The following LPP variants were observed in gnomAD, a reference collection of about 807,000 sequenced individuals.
The protein encoded by LPP is lipoma-preferred partner.
Under a neutral mutation model 60.4 loss-of-function variants are expected in LPP, and 38 were observed. The observed-to-expected ratio is 0.63, with a 90% CI of 0.49 to 0.83. The LOEUF (loss-of-function observed/expected upper bound fraction) is 0.83. Ranked by LOEUF, LPP falls within the 40% of genes least tolerant of loss-of-function variation. The pLI, the probability that LPP is intolerant of heterozygous loss-of-function variation, is 0.00. For synonymous variants in LPP, 328 were observed against 290.8 expected (o/e 1.13, Z -1.30); for missense variants, 902 against 783.6 (o/e 1.15, Z -1.80).
chr3:188,226,754 A>G (rs559929602), intron 2 of LPP, among the ~76,000 whole-genome samples: 71 of 152,308 alleles, frequency 4.7e-4, no homozygotes, highest in African/African-American at 1.7e-3. Flanking sequence ...CAAAACAGAG[A>G]TGATGCCATT....
At chr3:188,469,167 C>T (rs1319614021) in intron 4 of LPP, among the ~76,000 whole-genome samples, 2 of 152,086 alleles carry the variant, frequency 1.3e-5, no homozygotes, top group Admixed American at 6.6e-5. Flanking sequence ...CCGTTAAGTT[C>T]TTGGATGAAG....
chr3:188,402,852 TTCC>T (rs1389359990), intron 3 of LPP, among the ~76,000 whole-genome samples: 1 of 152,236 alleles, frequency 6.6e-6, no homozygotes, highest in Non-Finnish European at 1.5e-5. Flanking sequence ...TAGGCTACTC[TTCC>T]TTGGAGAAGT....
intron 9 of LPP, among the ~76,000 whole-genome samples, chr3:188,796,218 T>C (rs1394645099): frequency 6.6e-6 from 1 of 152,164 alleles, no homozygotes; most frequent in Non-Finnish European, 1.5e-5. Context: ...CACTGAGTTA[T>C]GAGGAGTGAG....
chr3:188,648,573 C>G (rs1447269068), intron 7 of LPP, among the ~76,000 whole-genome samples: 1 of 152,198 alleles, frequency 6.6e-6, no homozygotes, highest in Non-Finnish European at 1.5e-5. Context: ...TCTCTGTCTT[C>G]TGTCCTGTTT....
rs568215699 is a variant in LPP at position 188,643,475 on chromosome 3, ATAT to A, written c.1113+33635_1113+33637del. Among the ~76,000 whole-genome samples, 18 of 152,354 alleles carry A rather than the reference ATAT, an allele frequency of 1.2e-4. No homozygotes were observed. In the East Asian group the frequency reaches 3.1e-3, roughly 26 times the overall value. On this transcript the variant is annotated intron_variant, in intron 7 of 11. Coordinates refer to ENST00000617246, the MANE Select transcript of LPP (RefSeq NM_001375462.1). ...GAGATAATATTGCCTTGCTGAAGAC[ATAT>A]TATAAAAATCTGAGAATGAGCATGT...
At chr3:188,433,364 G>A (rs1487543724) in intron 4 of LPP, among the ~76,000 whole-genome samples, 1 of 152,094 alleles carries the variant, frequency 6.6e-6, no homozygotes. Flanking sequence ...ACCAGGCACA[G>A]CAATCTTGTA....
intron 3 of LPP, among the ~76,000 whole-genome samples, chr3:188,351,778 G>A (rs1327227366): frequency 1.3e-5 from 2 of 151,906 alleles, no homozygotes; most frequent in Non-Finnish European, 2.9e-5. Flanking sequence ...TAGCATGCAT[G>A]GCTCTTCTAA....
At chr3:188,697,269 C>T (rs2149536236) in intron 7 of LPP, among the ~76,000 whole-genome samples, 1 of 152,274 alleles carries the variant, frequency 6.6e-6, no homozygotes, top group East Asian at 1.9e-4. Flanking sequence ...ATGAAAACCA[C>T]CTTGTGTTAG....
chr3:188,417,355 C>T (rs1786578955), intron 4 of LPP, among the ~76,000 whole-genome samples: 1 of 151,920 alleles, frequency 6.6e-6, no homozygotes, highest in Admixed American at 6.6e-5. Context: ...GACGAGGACA[C>T]ATCTGATCTG....
chr3:188,234,237 G>T (rs1721102314), intron 2 of LPP, among the ~76,000 whole-genome samples: 1 of 152,142 alleles, frequency 6.6e-6, no homozygotes, highest in Non-Finnish European at 1.5e-5. Flanking sequence ...ATAGTTCCCG[G>T]TCTGCTCCTA....
chr3:188,361,730 G>C (rs1334204362), intron 3 of LPP, among the ~76,000 whole-genome samples: 1 of 151,858 alleles, frequency 6.6e-6, no homozygotes, highest in Non-Finnish European at 1.5e-5. Context: ...ACCACACCAG[G>C]ATAATTTTTG....
intron 6 of LPP, among the ~76,000 whole-genome samples, chr3:188,534,253 GT>G: frequency 6.6e-6 from 1 of 152,194 alleles, no homozygotes; most frequent in African/African-American, 2.4e-5. Flanking sequence ...GCCTTTAACT[GT>G]GATTTGTTTG....
rs902062844 is a variant in LPP, at chr3:188,883,711, C to T, written c.*9232C>T. On this transcript the variant is annotated 3_prime_UTR_variant, in exon 12 of 12. Transcript: ENST00000617246. ...TTGCGCCACTGCACTCCAGCCTGGG[C>T]GACAGAACGAGACTCCGTCTCAAAA... 17 of 130,214 alleles carry T rather than the reference C, an allele frequency of 1.3e-4. No homozygotes were observed. The highest frequency in any genetic ancestry group is 1.8e-4 in the Non-Finnish European group (13 of 70,372). The allele number at this position is 130,214 out of a possible 1,614,324, so 8.1% of individuals were successfully genotyped here.
At chr3:188,837,035 T>C (rs1758618552) in intron 9 of LPP, among the ~76,000 whole-genome samples, 1 of 152,170 alleles carries the variant, frequency 6.6e-6, no homozygotes. Context: ...ATGTTGTTTT[T>C]CATAAATATG....
At chr3:188,790,799 C>T (rs1183775630) in intron 9 of LPP, among the ~76,000 whole-genome samples, 10 of 143,162 alleles carry the variant, frequency 7.0e-5, no homozygotes, top group South Asian at 2.4e-4. Context: ...CCAGCCTGGG[C>T]GACAGAGTGA....
chr3:188,494,264 T>A (rs1252375997), intron 5 of LPP, among the ~76,000 whole-genome samples: 4 of 152,110 alleles, frequency 2.6e-5, no homozygotes, highest in Non-Finnish European at 5.9e-5. Context: ...GCCCCTCCCT[T>A]ACATGCCATA....
intron 9 of LPP, among the ~76,000 whole-genome samples, chr3:188,829,734 C>T (rs1024809322): frequency 2.0e-5 from 3 of 152,156 alleles, no homozygotes; most frequent in African/African-American, 7.2e-5. Context: ...TCACACTTAG[C>T]AGTTGAATGA....
chr3:188,394,551 AGTGTGTGTGTGT>A (rs1209092729), intron 3 of LPP, among the ~76,000 whole-genome samples: 2 of 146,884 alleles, frequency 1.4e-5, no homozygotes, highest in African/African-American at 2.5e-5. Flanking sequence ...AAATATCTAA[AGTGTGTGTGTGT>A]GTGTGTGTGT....
intron 4 of LPP, among the ~76,000 whole-genome samples, chr3:188,433,906 G>C (rs570272502): frequency 6.6e-6 from 1 of 152,144 alleles, no homozygotes; most frequent in Non-Finnish European, 1.5e-5. Flanking sequence ...AAGAGTGGGT[G>C]AGGACAAAAG....
Sources: allele counts gnomAD v4.1 joint callset (sites outside exome capture counted in the v4.1 genomes callset), GRCh38; gene constraint gnomAD v4.1.1; transcripts MANE v1.5; gene names NCBI Gene and HGNC (gene_info 2026-07-23, HGNC 2026-07-21).